The following DRC9 variants were observed in gnomAD, a reference collection of about 807,000 sequenced individuals.
DRC9 encodes dynein regulatory complex subunit 9.
At chr3:197,950,095 G>C in the DRC9 span, 42 of 1,226,876 alleles carry the variant, frequency 3.4e-5, no homozygotes, top group Middle Eastern at 1.2e-3. Flanking sequence ...GCCGATTTCC[G>C]AGGATTGTTT....
chr3:197,949,469 A>G, the DRC9 span: 17 of 152,128 alleles, frequency 1.1e-4, no homozygotes, highest in African/African-American at 3.9e-4. Context: ...AAAAAGAAGA[A>G]TGGAGGTAAG....
the DRC9 span, chr3:197,944,122 G>A: frequency 7.5e-7 from 1 of 1,329,518 alleles, no homozygotes; most frequent in Non-Finnish European, 1.0e-6. Context: ...AAAAGCACAG[G>A]CAGCAACGTG....
the DRC9 span, among the ~76,000 whole-genome samples, chr3:197,942,385 C>CAAAAAA: frequency 6.1e-3 from 105 of 17,082 alleles, 14 homozygotes; most frequent in African/African-American, 0.012. Context: ...CTCCGTCTCA[C>CAAAAAA]AAAAAAAAAA....
At chr3:197,952,416 C>T in the DRC9 span, 2 of 152,176 alleles carry the variant, frequency 1.3e-5, no homozygotes, top group Admixed American at 1.3e-4. Context: ...GATCCACCCA[C>T]CTCAGCCTCC....
At chr3:197,933,581 T>G in the DRC9 span, among the ~76,000 whole-genome samples, 5 of 152,268 alleles carry the variant, frequency 3.3e-5, no homozygotes, top group South Asian at 1.0e-3. Context: ...TGAATATTTA[T>G]GTACGTAACA....
At chr3:197,915,803 A>T in the DRC9 span, among the ~76,000 whole-genome samples, 1 of 151,774 alleles carries the variant, frequency 6.6e-6, no homozygotes, top group South Asian at 2.1e-4. Flanking sequence ...CTAATTTTGT[A>T]TTTTTAGTAG....
At chr3:197,899,931 ACACGG>A in the DRC9 span, among the ~76,000 whole-genome samples, 1 of 152,212 alleles carries the variant, frequency 6.6e-6, no homozygotes, top group Admixed American at 6.5e-5. Context: ...GGCAGCAGCC[ACACGG>A]CACGGGTAGG....
the DRC9 span, among the ~76,000 whole-genome samples, chr3:197,947,687 G>A: frequency 1.5e-3 from 227 of 152,308 alleles, no homozygotes; most frequent in Middle Eastern, 6.8e-3. Flanking sequence ...AGATGGACCC[G>A]TATGGAGTAT....
At chr3:197,949,351 C>G in the DRC9 span, 1 of 152,270 alleles carries the variant, frequency 6.6e-6, no homozygotes, top group Non-Finnish European at 1.5e-5. Flanking sequence ...TCCACCTCTA[C>G]AAGTATCTAC....
the DRC9 span, among the ~76,000 whole-genome samples, chr3:197,902,094 C>A: frequency 6.6e-6 from 1 of 152,200 alleles, no homozygotes; most frequent in African/African-American, 2.4e-5. Context: ...CCAGAAAATT[C>A]TTCTGGATCT....
the DRC9 span, among the ~76,000 whole-genome samples, chr3:197,895,096 G>GT: frequency 6.6e-6 from 1 of 151,984 alleles, no homozygotes; most frequent in Non-Finnish European, 1.5e-5. Flanking sequence ...CAACATGTCA[G>GT]TTTGGTGCTG....
the DRC9 span, chr3:197,956,360 G>A: frequency 6.4e-6 from 1 of 155,558 alleles, no homozygotes; most frequent in Non-Finnish European, 1.4e-5. Context: ...AGACTGGGAT[G>A]AGAAGCTCTT....
the DRC9 span, among the ~76,000 whole-genome samples, chr3:197,944,433 TTTTTATTTTA>T: frequency 2.0e-4 from 30 of 150,662 alleles, no homozygotes; most frequent in Admixed American, 6.6e-4. Context: ...TAAGTTTGTG[TTTTTATTTTA>T]TTTTATTTTA....
the DRC9 span, chr3:197,892,508 GCACCC>G: frequency 8.1e-7 from 1 of 1,238,764 alleles, no homozygotes; most frequent in Non-Finnish European, 1.1e-6. Context: ...TCCTCGGTGA[GCACCC>G]TGATTCCTTC....
chr3:197,895,229 A>G, the DRC9 span, among the ~76,000 whole-genome samples: 4 of 152,180 alleles, frequency 2.6e-5, no homozygotes, highest in Admixed American at 2.6e-4. Context: ...ACAAGGTAAT[A>G]ACATCATTTG....
At chr3:197,897,045 A>C in the DRC9 span, among the ~76,000 whole-genome samples, 1 of 152,204 alleles carries the variant, frequency 6.6e-6, no homozygotes, top group South Asian at 2.1e-4. Context: ...ACCTTTAATA[A>C]GTTTCAGTAA....
At chr3:197,915,206 G>A in the DRC9 span, among the ~76,000 whole-genome samples, 114 of 91,994 alleles carry the variant, frequency 1.2e-3, no homozygotes, top group South Asian at 2.5e-3. Context: ...AAAAAGGAAA[G>A]AAAAAGAAAA....
chr3:197,900,994 G>A, the DRC9 span, among the ~76,000 whole-genome samples: 1 of 152,124 alleles, frequency 6.6e-6, no homozygotes, highest in South Asian at 2.1e-4. This position sits in a 1 kb window ranked among gnomAD's most constrained non-coding sequence, Gnocchi z 4.7. Context: ...TGCTGCCTTC[G>A]AAGACATGGT....
the DRC9 span, among the ~76,000 whole-genome samples, chr3:197,921,618 T>C: frequency 6.6e-6 from 1 of 152,074 alleles, no homozygotes; most frequent in East Asian, 1.9e-4. Flanking sequence ...GGTTTCATCT[T>C]GGTCGACCCG....
Sources: allele counts gnomAD v4.1 joint callset (sites outside exome capture counted in the v4.1 genomes callset), GRCh38; gene constraint gnomAD v4.1.1; non-coding constraint Gnocchi (gnomAD v3.1); transcripts MANE v1.5; gene names NCBI Gene and HGNC (gene_info 2026-07-23, HGNC 2026-07-21).